Variants in LIN28B observed in about 807,000 individuals in gnomAD.
The protein encoded by LIN28B is protein lin-28 homolog B.
A neutral mutation model predicts 21.9 loss-of-function variants in LIN28B; 5 were observed. The observed-to-expected ratio is 0.23, with a 90% CI of 0.12 to 0.48. LIN28B has a LOEUF of 0.48. Ranked by LOEUF, LIN28B falls within the 20% of genes least tolerant of loss-of-function variation. LIN28B has a pLI of 0.98. For synonymous variants in LIN28B, 109 were observed against 111.3 expected, an observed-to-expected ratio of 0.98 and a Z score of 0.13; for missense variants, 245 against 310.5, an observed-to-expected ratio of 0.79 and a Z score of 1.58.
intron 2 of LIN28B, among the ~76,000 whole-genome samples, chr6:105,004,475 T>C (rs1161656637): frequency 2.0e-5 from 3 of 152,202 alleles, no homozygotes; most frequent in Non-Finnish European, 4.4e-5. Context: ...TCTTTTTTTT[T>C]TCCCCTCAGA....
At chr6:105,003,882 T>A (rs1439836701) in intron 2 of LIN28B, among the ~76,000 whole-genome samples, 1 of 152,180 alleles carries the variant, frequency 6.6e-6, no homozygotes, top group African/African-American at 2.4e-5. Flanking sequence ...AAGGCTGATA[T>A]ATTTGTCAGG....
intron 3 of LIN28B, among the ~76,000 whole-genome samples, chr6:105,044,224 GTTAT>G (rs1182740963): frequency 6.6e-6 from 1 of 152,090 alleles, no homozygotes; most frequent in Non-Finnish European, 1.5e-5. Context: ...AAGTTCTTCT[GTTAT>G]TTAATGATTT....
At chr6:104,960,174 G>A (rs1769700686) in intron 2 of LIN28B, among the ~76,000 whole-genome samples, 1 of 151,938 alleles carries the variant, frequency 6.6e-6, no homozygotes, top group Non-Finnish European at 1.5e-5. Context: ...TATATTAAAA[G>A]GACAGTATTA....
At chr6:104,943,644 G>T (rs1323628003) in intron 2 of LIN28B, among the ~76,000 whole-genome samples, 1 of 152,004 alleles carries the variant, frequency 6.6e-6, no homozygotes, top group Non-Finnish European at 1.5e-5. Context: ...TTCTTATTAG[G>T]TATTTTTTAA....
chr6:105,034,916 CAG>C (rs1276812567), intron 3 of LIN28B, among the ~76,000 whole-genome samples: 1 of 151,918 alleles, frequency 6.6e-6, no homozygotes, highest in Non-Finnish European at 1.5e-5. Context: ...CTTTATTAAA[CAG>C]AAAAATATTT....
chr6:105,078,675 A>C lies in LIN28B; in HGVS notation c.645A>C (p.Ser215=). 1 of 1,614,154 alleles carries C rather than the reference A, an allele frequency of 6.2e-7. No individual in the cohort carries two copies. Among genetic ancestry groups the C allele is most frequent in the Non-Finnish European group, 8.5e-7 (1 of 1,180,002 alleles). Residue 215 remains serine (S), a synonymous_variant, in exon 4 of 4, where the codon TCA becomes TCC. Transcript: ENST00000345080. The part of the protein sequence containing the change: ...PFPQEARAEI[S]ERSGRSPQEA... ...CTCAGGAGGCTAGGGCAGAGATCTC[A>C]GAACGGTCAGGCAGGTCACCTCAAG...
At chr6:105,004,811 TTTG>T (rs1355502054) in intron 2 of LIN28B, among the ~76,000 whole-genome samples, 2 of 152,296 alleles carry the variant, frequency 1.3e-5, no homozygotes, top group East Asian at 1.9e-4. Flanking sequence ...TCTGCCAATT[TTTG>T]TTGTTGTTGT....
At chr6:104,944,568 T>C (rs909106967) in intron 2 of LIN28B, among the ~76,000 whole-genome samples, 3 of 152,126 alleles carry the variant, frequency 2.0e-5, no homozygotes, top group Non-Finnish European at 4.4e-5. Flanking sequence ...TATAATGATA[T>C]TGACCTGTCA....
upstream of LIN28B, among the ~76,000 whole-genome samples, chr6:104,955,687 G>C (rs967714220): frequency 8.6e-5 from 13 of 151,514 alleles, no homozygotes; most frequent in East Asian, 1.9e-4. Context: ...CTGGCATGGT[G>C]GGGGAGGGTC....
upstream of LIN28B, among the ~76,000 whole-genome samples, chr6:104,953,095 A>G (rs1443368888): frequency 6.6e-6 from 1 of 152,250 alleles, no homozygotes; most frequent in Non-Finnish European, 1.5e-5. Flanking sequence ...GAATCAGGAC[A>G]GTTTGCCCGA....
At chr6:105,041,539 T>C (rs549184779) in intron 3 of LIN28B, among the ~76,000 whole-genome samples, 1 of 152,168 alleles carries the variant, frequency 6.6e-6, no homozygotes, top group Non-Finnish European at 1.5e-5. Flanking sequence ...TTTTTGTTAT[T>C]TTCTAGATAA....
intron 2 of LIN28B, among the ~76,000 whole-genome samples, chr6:105,020,278 T>C (rs1045824883): frequency 2.0e-5 from 3 of 151,330 alleles, no homozygotes; most frequent in African/African-American, 7.3e-5. Flanking sequence ...ACCTGGCCCC[T>C]GTTCATATTA....
chr6:105,062,297 G>T (rs990763374), intron 3 of LIN28B, among the ~76,000 whole-genome samples: 15 of 152,012 alleles, frequency 9.9e-5, no homozygotes, highest in Non-Finnish European at 1.6e-4. Flanking sequence ...TTGTGATTGT[G>T]TCATTGTTCT....
intron 2 of LIN28B, among the ~76,000 whole-genome samples, chr6:104,995,638 A>G (rs1422219344): frequency 6.6e-6 from 1 of 152,198 alleles, no homozygotes; most frequent in Admixed American, 6.5e-5. Context: ...ACCAGTAAAT[A>G]AGAGGGATTA....
rs549939112 is a variant in LIN28B, at chr6:105,036,879, C to T, written c.383+10397C>T. ...ATATATTTATTGTATGATTTCGGTA[C>T]AAGGGTATTGTGATAATTTGGTAGT... On this transcript the variant is annotated intron_variant, in intron 3 of 3. Coordinates refer to ENST00000345080, the MANE Select transcript of LIN28B (RefSeq NM_001004317.4). Among the ~76,000 whole-genome samples the T allele has an allele frequency of 1.2e-3, 189 of 152,102 alleles. 1 individual carries two copies. The highest frequency in any genetic ancestry group is 2.4e-3 in the Admixed American group (36 of 15,270).
upstream of LIN28B, among the ~76,000 whole-genome samples, chr6:104,953,442 T>G (rs1778246039): frequency 6.6e-6 from 1 of 152,158 alleles, no homozygotes; most frequent in Non-Finnish European, 1.5e-5. Context: ...GTCTGGAAAT[T>G]CAGTAAAAAT....
intron 3 of LIN28B, among the ~76,000 whole-genome samples, chr6:105,065,518 T>C (rs942672132): frequency 6.6e-6 from 1 of 152,242 alleles, no homozygotes; most frequent in Non-Finnish European, 1.5e-5. Context: ...GAGGGAGAAA[T>C]GGACAGAGGT....
intron 2 of LIN28B, among the ~76,000 whole-genome samples, chr6:105,011,746 G>A (rs571201357): frequency 1.3e-5 from 2 of 152,272 alleles, no homozygotes; most frequent in Admixed American, 6.5e-5. Context: ...GCTGCAGGCT[G>A]AGGCAGGAGA....
chr6:104,964,325 G>C (rs919475816), intron 2 of LIN28B, among the ~76,000 whole-genome samples: 1 of 152,126 alleles, frequency 6.6e-6, no homozygotes, highest in African/African-American at 2.4e-5. Flanking sequence ...ACTGTGTCCA[G>C]CTTGATGTAC....
Sources: allele counts gnomAD v4.1 joint callset (sites outside exome capture counted in the v4.1 genomes callset), GRCh38; gene constraint gnomAD v4.1.1; transcripts MANE v1.5; gene names NCBI Gene and HGNC (gene_info 2026-07-23, HGNC 2026-07-21).